Variants in STK33 observed in about 807,000 individuals in gnomAD.
The protein encoded by STK33 is serine/threonine-protein kinase 33.
STK33 carries 52 observed loss-of-function variants against 58.0 expected under a neutral mutation model. The observed-to-expected ratio is 0.90, with a 90% confidence interval of 0.72 to 1.13. The LOEUF (loss-of-function observed/expected upper bound fraction) is 1.13, where lower values mean the gene tolerates loss of function less well. Among genes scored for constraint, STK33 ranks in the 50% most tolerant of loss-of-function variants. The probability of loss-of-function intolerance (pLI) is 0.00; values close to 1 mark genes in which losing one functional copy is unlikely to be tolerated. For missense variants in STK33, 630 were observed against 604.2 expected (o/e 1.04, Z -0.45); for synonymous variants, 215 against 200.1 (o/e 1.07, Z -0.63).
At chr11:8,526,369 G>A (rs1954022701) in intron 1 of STK33, among the ~76,000 whole-genome samples, 1 of 151,788 alleles carries the variant, frequency 6.6e-6, no homozygotes, top group Admixed American at 6.6e-5. Context: ...TCCAGCCTGG[G>A]CAACAGAGGG....
Position 8,567,068 on chromosome 11 carries a change from A to G in STK33, c.-466+27015T>C, listed in dbSNP as rs554051911. Among the ~76,000 whole-genome samples the G allele has an allele frequency of 5.1e-4, 78 of 152,232 alleles. 1 individual carries two copies. In the East Asian group the frequency reaches 0.012, roughly 23 times the overall value. On this transcript the variant is annotated intron_variant, in intron 1 of 15. Transcript: ENST00000687296. Reference sequence around the variant, plus strand: ...GGTGGGAGGACTGCTTGAGCCCAGGAGGTAGAGGTTGCAGTGATCCAAGAT... The same window carrying G: ...GGTGGGAGGACTGCTTGAGCCCAGGGGGTAGAGGTTGCAGTGATCCAAGAT...
intron 15 of STK33, among the ~76,000 whole-genome samples, chr11:8,404,391 G>T (rs1334368745): frequency 6.6e-6 from 1 of 152,096 alleles, no homozygotes; most frequent in African/African-American, 2.4e-5. Context: ...TCAGGAAATA[G>T]AACAATTACC....
At chr11:8,409,450 T>G (rs537355854) in intron 15 of STK33, among the ~76,000 whole-genome samples, 7 of 152,280 alleles carry the variant, frequency 4.6e-5, no homozygotes, top group African/African-American at 1.7e-4. Context: ...AGACCAACAT[T>G]AGTAGGATGA....
chr11:8,449,277 T>C (rs1945945870), intron 11 of STK33, among the ~76,000 whole-genome samples: 1 of 151,574 alleles, frequency 6.6e-6, no homozygotes, highest in Non-Finnish European at 1.5e-5. Flanking sequence ...GCCATCCCAT[T>C]ACTGGGTATA....
intron 14 of STK33, among the ~76,000 whole-genome samples, chr11:8,431,184 A>G (rs1943385264): frequency 6.6e-6 from 1 of 152,138 alleles, no homozygotes; most frequent in South Asian, 2.1e-4. Flanking sequence ...TAATTTTTAT[A>G]GAAGGCTTCA....
At chr11:8,340,436 G>A in the STK33 span, among the ~76,000 whole-genome samples, 1 of 152,202 alleles carries the variant, frequency 6.6e-6, no homozygotes, top group Non-Finnish European at 1.5e-5. Flanking sequence ...GTTCACATAA[G>A]TGAACTCCTG....
At chr11:8,506,346 T>C (rs1219534287) in intron 1 of STK33, among the ~76,000 whole-genome samples, 7 of 152,212 alleles carry the variant, frequency 4.6e-5, no homozygotes, top group Admixed American at 4.6e-4. Flanking sequence ...TGGGCAGTAC[T>C]AAAGAGCCCT....
chr11:8,350,344 C>A, the STK33 span, among the ~76,000 whole-genome samples: 1 of 152,176 alleles, frequency 6.6e-6, no homozygotes, highest in African/African-American at 2.4e-5. Context: ...GGGAGAGCAA[C>A]ATAGAAAGAG....
chr11:8,437,632 T>C (rs1944240548), intron 12 of STK33, among the ~76,000 whole-genome samples: 1 of 152,192 alleles, frequency 6.6e-6, no homozygotes, highest in Non-Finnish European at 1.5e-5. Flanking sequence ...ACAGTTACAT[T>C]TTTACTAATT....
chr11:8,517,613 A>G (rs979838333), intron 1 of STK33, among the ~76,000 whole-genome samples: 1 of 152,238 alleles, frequency 6.6e-6, no homozygotes. Flanking sequence ...ACGAATGGCT[A>G]ACTAGAATAA....
At chr11:8,471,008 A>G (rs1948724370) in intron 6 of STK33, among the ~76,000 whole-genome samples, 1 of 152,218 alleles carries the variant, frequency 6.6e-6, no homozygotes, top group Non-Finnish European at 1.5e-5. Context: ...CACAGTTGCC[A>G]AAACTTCAAA....
intron 15 of STK33, among the ~76,000 whole-genome samples, chr11:8,408,073 T>C (rs1032663427): frequency 1.3e-5 from 2 of 152,194 alleles, no homozygotes; most frequent in Admixed American, 6.5e-5. Flanking sequence ...TGGATAAATA[T>C]AAGAAATTTT....
intron 14 of STK33, among the ~76,000 whole-genome samples, chr11:8,427,815 T>A (rs2136077435): frequency 6.6e-6 from 1 of 152,338 alleles, no homozygotes; most frequent in Middle Eastern, 3.4e-3. Context: ...TTGCTTCATA[T>A]TATCAACATC....
chr11:8,501,080 A>C (rs980484636), intron 1 of STK33, among the ~76,000 whole-genome samples: 1 of 152,192 alleles, frequency 6.6e-6, no homozygotes, highest in Admixed American at 6.5e-5. Context: ...AAGGGCTAAA[A>C]CTATAAAACT....
the STK33 span, among the ~76,000 whole-genome samples, chr11:8,335,998 G>A: frequency 6.6e-6 from 1 of 152,208 alleles, no homozygotes; most frequent in Non-Finnish European, 1.5e-5. Context: ...CTTGCTCATG[G>A]CCAAATGCAA....
At chr11:8,497,699 T>C (rs1951170087) in intron 1 of STK33, among the ~76,000 whole-genome samples, 1 of 152,156 alleles carries the variant, frequency 6.6e-6, no homozygotes, top group Non-Finnish European at 1.5e-5. Flanking sequence ...TGGGCTCAAG[T>C]GATCTGCCTG....
intron 1 of STK33, among the ~76,000 whole-genome samples, chr11:8,508,266 C>CT (rs34759366): frequency 0.049 from 5,546 of 114,190 alleles, 257 homozygotes; most frequent in Non-Finnish European, 0.058. Context: ...ACCTTCTATT[C>CT]TTTTTTTTTT....
intron 1 of STK33, among the ~76,000 whole-genome samples, chr11:8,565,217 G>A (rs546535109): frequency 2.8e-4 from 42 of 152,212 alleles, no homozygotes; most frequent in African/African-American, 8.7e-4. Flanking sequence ...TCTAATCAGC[G>A]CTACATGGAG....
rs1228509911 is a variant in STK33 at position 8,452,853 on chromosome 11, C to A, written c.840G>T (p.Leu280=). The change falls in exon 11 of 16, where the codon CTG becomes CTT. Residue 280 remains leucine (L), a synonymous_variant. Transcript: ENST00000687296. ...VKKQSRSEAM[L]QATCGTPIYM... ...AGATAGGAGTCCCACATGTGGCCTG[C>A]AGCATGGCTTCACTCCTACTTTGCT... is the stretch of plus-strand genomic sequence containing the variant. 6.2e-7 allele frequency: 1 copy of A among 1,614,118 alleles called. No individual in the cohort carries two copies. The highest frequency in any genetic ancestry group is 1.7e-5 in the Admixed American group (1 of 60,022).
Sources: gnomAD v4.1 joint callset for allele counts (sites outside exome capture counted in the v4.1 genomes callset) on GRCh38, gnomAD v4.1.1 for gene constraint, MANE v1.5 for transcripts, NCBI Gene and HGNC (gene_info 2026-07-23, HGNC 2026-07-21) for gene names.